Variants in SGCZ observed in about 807,000 individuals in gnomAD.
SGCZ encodes sarcoglycan zeta, also known as zeta-sarcoglycan.
A neutral mutation model predicts 41.3 loss-of-function variants in SGCZ; 40 were observed. That is an observed-to-expected ratio of 0.97 (90% CI 0.75 to 1.26). SGCZ has a LOEUF of 1.26. Among genes scored for constraint, SGCZ ranks in the 50% most tolerant of loss-of-function variants. The pLI, the probability that SGCZ is intolerant of heterozygous loss-of-function variation, is 0.00. For missense variants in SGCZ, 552 were observed against 369.8 expected (o/e 1.49, Z -4.04); for synonymous variants, 206 against 137.5 (o/e 1.50, Z -3.49).
intron 1 of SGCZ, among the ~76,000 whole-genome samples, chr8:14,909,521 C>A (rs1048433524): frequency 1.3e-5 from 2 of 152,074 alleles, no homozygotes; most frequent in African/African-American, 4.8e-5. Context: ...TCTGTGCTAA[C>A]CATTCCCAAG....
intron 1 of SGCZ, among the ~76,000 whole-genome samples, chr8:15,184,591 C>G (rs1363262595): frequency 6.6e-6 from 1 of 151,938 alleles, no homozygotes; most frequent in Non-Finnish European, 1.5e-5. Flanking sequence ...TGCACTCTGG[C>G]CTCACTAGGT....
intron 1 of SGCZ, among the ~76,000 whole-genome samples, chr8:14,833,391 G>C (rs75240570): frequency 1.3e-5 from 2 of 152,230 alleles, no homozygotes; most frequent in South Asian, 4.1e-4. Context: ...CAAACATACA[G>C]ATCTGTGAGT....
At chr8:14,773,982 T>C (rs1800325504) in intron 1 of SGCZ, among the ~76,000 whole-genome samples, 1 of 152,218 alleles carries the variant, frequency 6.6e-6, no homozygotes, top group African/African-American at 2.4e-5. Flanking sequence ...AAATGACTAA[T>C]CAATAAAGCA....
intron 2 of SGCZ, among the ~76,000 whole-genome samples, chr8:14,489,529 G>A (rs991338735): frequency 1.7e-4 from 26 of 151,900 alleles, no homozygotes; most frequent in Non-Finnish European, 2.2e-4. Context: ...GGCAGTAAAG[G>A]GGAAGGTGGA....
chr8:14,416,777 T>C (rs11990907), intron 2 of SGCZ, among the ~76,000 whole-genome samples: 103,570 of 151,644 alleles, frequency 0.68, 35,483 homozygotes, highest in East Asian at 0.83. Context: ...TTAGTCTGCC[T>C]GGGACTCAAT....
chr8:15,199,931 C>T (rs1045602550), intron 1 of SGCZ, among the ~76,000 whole-genome samples: 21 of 152,058 alleles, frequency 1.4e-4, no homozygotes, highest in Non-Finnish European at 2.9e-5. Context: ...ATGTAAGGGC[C>T]AATTACAACA....
intron 1 of SGCZ, among the ~76,000 whole-genome samples, chr8:15,084,694 G>A (rs992982451): frequency 6.6e-6 from 1 of 152,294 alleles, no homozygotes; most frequent in African/African-American, 2.4e-5. Flanking sequence ...AGAGGTTGCA[G>A]TGAGCCAAGA....
intron 5 of SGCZ, among the ~76,000 whole-genome samples, chr8:14,162,328 T>C (rs935693857): frequency 6.6e-6 from 1 of 152,156 alleles, no homozygotes; most frequent in African/African-American, 2.4e-5. Flanking sequence ...AAGTGTGTAA[T>C]GTCCTAGAAT....
At chr8:14,772,718 A>G (rs1160392019) in intron 1 of SGCZ, among the ~76,000 whole-genome samples, 1 of 151,570 alleles carries the variant, frequency 6.6e-6, no homozygotes, top group Non-Finnish European at 1.5e-5. Context: ...GAGAATGATG[A>G]TTTCCAATTT....
intron 5 of SGCZ, among the ~76,000 whole-genome samples, chr8:14,135,954 T>C (rs1489021933): frequency 2.0e-5 from 3 of 152,030 alleles, no homozygotes; most frequent in African/African-American, 4.8e-5. Flanking sequence ...TAGAAGAGGA[T>C]AAAATACTAA....
At chr8:14,870,984 G>C (rs1486936065) in intron 1 of SGCZ, among the ~76,000 whole-genome samples, 2 of 152,092 alleles carry the variant, frequency 1.3e-5, no homozygotes, top group Non-Finnish European at 2.9e-5. Flanking sequence ...GAGGCAGGAG[G>C]ATCACCTGAA....
chr8:14,590,183 C>T (rs1246545273), intron 1 of SGCZ, among the ~76,000 whole-genome samples: 3 of 151,596 alleles, frequency 2.0e-5, no homozygotes, highest in Admixed American at 6.6e-5. Context: ...CAATTTGAAT[C>T]CAAGAAAAAA....
chr8:14,759,939 T>C (rs902549974), intron 1 of SGCZ, among the ~76,000 whole-genome samples: 1 of 152,346 alleles, frequency 6.6e-6, no homozygotes, highest in African/African-American at 2.4e-5. Flanking sequence ...CAAATTTCTT[T>C]TTTATTTAAA....
chr8:14,293,491 G>T (rs1231658923), intron 3 of SGCZ, among the ~76,000 whole-genome samples: 1 of 151,918 alleles, frequency 6.6e-6, no homozygotes, highest in Non-Finnish European at 1.5e-5. Context: ...TACACAGAAT[G>T]TCATTCAGTT....
chr8:14,634,337 G>A (rs1174561476), intron 1 of SGCZ, among the ~76,000 whole-genome samples: 1 of 151,438 alleles, frequency 6.6e-6, no homozygotes, highest in Non-Finnish European at 1.5e-5. Flanking sequence ...AAGGGATACT[G>A]GTTTCATTTT....
At chr8:14,806,069 G>A (rs1271226248) in intron 1 of SGCZ, among the ~76,000 whole-genome samples, 10 of 151,372 alleles carry the variant, frequency 6.6e-5, no homozygotes, top group South Asian at 2.1e-4. Flanking sequence ...TCTCTGGGAC[G>A]CATTCAAAGC....
intron 2 of SGCZ, among the ~76,000 whole-genome samples, chr8:14,437,380 C>G (rs959692038): frequency 6.6e-6 from 1 of 152,072 alleles, no homozygotes; most frequent in Non-Finnish European, 1.5e-5. Flanking sequence ...CCATTCCTTC[C>G]TTTTCCAACT....
At chr8:15,225,841 C>G (rs531908219) in intron 1 of SGCZ, among the ~76,000 whole-genome samples, 1 of 152,062 alleles carries the variant, frequency 6.6e-6, no homozygotes, top group African/African-American at 2.4e-5. Flanking sequence ...TAGAATCTGC[C>G]ACTTTGCAAA....
At position 15,020,368 on chromosome 8, in the gene SGCZ, G is replaced by T. The variant is rs559071642; in HGVS notation, c.39+217217C>A. Among the ~76,000 whole-genome samples, 4 of 152,166 alleles carry T rather than the reference G, an allele frequency of 2.6e-5. No homozygotes were observed. In the South Asian group the frequency reaches 8.3e-4, roughly 32 times the overall value. Reference sequence around the variant, plus strand: ...ACATCTGTCCTATGAAACAATACAGGAACAGGCTCGTGCAGCTGAATCTCC... The same window carrying T: ...ACATCTGTCCTATGAAACAATACAGTAACAGGCTCGTGCAGCTGAATCTCC... On this transcript the variant is annotated intron_variant, in intron 1 of 7. Coordinates refer to ENST00000382080, the MANE Select transcript of SGCZ (RefSeq NM_139167.4).
Sources: allele counts gnomAD v4.1 joint callset (sites outside exome capture counted in the v4.1 genomes callset), GRCh38; gene constraint gnomAD v4.1.1; transcripts MANE v1.5; gene names NCBI Gene and HGNC (gene_info 2026-07-23, HGNC 2026-07-21).